The following PDE5A variants were observed in gnomAD, a reference collection of about 807,000 sequenced individuals.
PDE5A encodes the protein phosphodiesterase 5A, also known as cGMP-specific 3',5'-cyclic phosphodiesterase.
Under a neutral mutation model 110.2 loss-of-function variants are expected in PDE5A, and 67 were observed. That is an observed-to-expected ratio of 0.61 (90% CI 0.50 to 0.75). The LOEUF (loss-of-function observed/expected upper bound fraction) is 0.75, where lower values mean the gene tolerates loss of function less well. Among genes scored for constraint, PDE5A ranks in the 30% least tolerant of loss-of-function variants. PDE5A has a pLI of 0.00. For missense variants in PDE5A, 862 were observed against 1,045.1 expected (o/e 0.82, Z 2.42); for synonymous variants, 328 against 351.2 (o/e 0.93, Z 0.74).
intron 15 of PDE5A, among the ~76,000 whole-genome samples, chr4:119,509,524 G>A (rs1732447127): frequency 6.6e-6 from 1 of 151,932 alleles, no homozygotes; most frequent in Non-Finnish European, 1.5e-5. Flanking sequence ...GTATATGCAC[G>A]AGCCAAAGGG....
chr4:119,621,249 T>C lies in PDE5A; in HGVS notation c.152+7271A>G, dbSNP rs1172712609. Among the ~76,000 whole-genome samples the C allele has an allele frequency of 3.3e-5, 5 of 152,226 alleles. No individual in the cohort carries two copies. The East Asian group carries it at 9.6e-4, about 29-fold the overall frequency. The stretch of plus-strand genomic sequence containing the variant: ...TGGGTCTGCCCACATCACTTTCTTT[T>C]GGGAATGTACCCTCCCCAATGATAT... On this transcript the variant is annotated intron_variant, in intron 1 of 20. Transcript: ENST00000354960.
In PDE5A at chr4:119,498,349, C is replaced by G. The variant is rs192864860; in HGVS notation, c.*252G>C. On this transcript the variant is annotated 3_prime_UTR_variant, in exon 21 of 21. Coordinates refer to ENST00000354960, the MANE Select transcript of PDE5A (RefSeq NM_001083.4). ...AGTACACGAAATATCACAAACAATG[C>G]TTTTATCAATGTGCTAACAGTGGAT... 3.5e-4 allele frequency: 140 copies of G among 399,726 alleles called. 2 individuals carry two copies. Among genetic ancestry groups the G allele is most frequent in the Non-Finnish European group, 5.9e-5 (13 of 221,068 alleles). 24.8% of individuals were successfully genotyped at this position (399,726 alleles called of 1,614,324 possible).
At chr4:119,517,371 T>G (rs1454391758) in intron 14 of PDE5A, among the ~76,000 whole-genome samples, 1 of 151,972 alleles carries the variant, frequency 6.6e-6, no homozygotes, top group Non-Finnish European at 1.5e-5. Flanking sequence ...AAGAAAATTC[T>G]ACTTTAAGTA....
rs1727890845 is a variant in PDE5A at position 119,565,371 on chromosome 4, G to A, written c.943C>T (p.His315Tyr). ...AYLAFCGIVL[H>Y]NAQLYETSLL... ...GAAGTCTCATAGAGCTGAGCATTAT[G>A]AAGAACAATACCACAAAATGCCAAA... The change falls in exon 5 of 21, where the codon CAT becomes TAT. Residue 315 changes from histidine to tyrosine, a missense_variant. Transcript: ENST00000354960. The A allele has an allele frequency of 6.2e-7, 1 of 1,612,400 alleles. No individual in the cohort carries two copies. The highest frequency in any genetic ancestry group is 8.5e-7 in the Non-Finnish European group (1 of 1,178,932).
At position 119,497,327 on chromosome 4, in the gene PDE5A, T is replaced by G. The variant is rs1725111934; in HGVS notation, c.*1274A>C. On this transcript the variant is annotated 3_prime_UTR_variant, in exon 21 of 21. Transcript: ENST00000354960. ...ATCTACTTCTCCAATATTGAGTAAA[T>G]GTGTCTTTAGGGGCACACATGTAGA... 6.6e-6 allele frequency: 1 copy of G among 152,142 alleles called. No individual in the cohort carries two copies. The highest frequency in any genetic ancestry group is 1.5e-5 in the Non-Finnish European group (1 of 68,002). 9.4% of individuals were successfully genotyped at this position (152,142 alleles called of 1,614,324 possible).
chr4:119,519,296 A>T lies in PDE5A; in HGVS notation c.1906-157T>A, dbSNP rs191113986. 3.9e-3 allele frequency: 2,193 copies of T among 559,106 alleles called. 39 individuals are homozygous for T. Among genetic ancestry groups the T allele is most frequent in the East Asian group, 1.3e-3 (45 of 34,538 alleles). The allele number at this position is 559,106 out of a possible 1,614,324, so 34.6% of individuals were successfully genotyped here. ...GACTAACCCTAGAATCCTATTCTTC[A>T]GGGAATTAGTTGTCCTTTGTCATTC... On this transcript the variant is annotated intron_variant, in intron 13 of 20. Coordinates refer to ENST00000354960, the MANE Select transcript of PDE5A (RefSeq NM_001083.4).
intron 3 of PDE5A, among the ~76,000 whole-genome samples, chr4:119,581,331 A>G: frequency 6.6e-6 from 1 of 152,218 alleles, no homozygotes; most frequent in East Asian, 1.9e-4. Flanking sequence ...AAGTGTCTGG[A>G]TCACTGCTGT....
chr4:119,622,666 G>A (rs1163927839), intron 1 of PDE5A, among the ~76,000 whole-genome samples: 1 of 152,026 alleles, frequency 6.6e-6, no homozygotes, highest in African/African-American at 2.4e-5. Context: ...GAGGTCAGGA[G>A]ATCGAGACCA....
Position 119,507,716 on chromosome 4 carries a change from A to G in PDE5A, c.2089-12T>C. Reference sequence around the variant, plus strand: ...AGAATCTGATTGCCCTTTATAAAAAAAGAAAACCAGTATTAACATCCTGGA... The same window carrying G: ...AGAATCTGATTGCCCTTTATAAAAAGAGAAAACCAGTATTAACATCCTGGA... On this transcript the variant is annotated splice_polypyrimidine_tract_variant and intron_variant, in intron 15 of 20. Coordinates refer to ENST00000354960, the MANE Select transcript of PDE5A (RefSeq NM_001083.4). The G allele has an allele frequency of 6.5e-7, 1 of 1,545,744 alleles. No homozygotes were observed. The highest frequency in any genetic ancestry group is 8.8e-7 in the Non-Finnish European group (1 of 1,138,362).
chr4:119,609,713 T>C (rs1578825244), intron 1 of PDE5A, among the ~76,000 whole-genome samples: 1 of 152,148 alleles, frequency 6.6e-6, no homozygotes, highest in African/African-American at 2.4e-5. Flanking sequence ...CCATTGTAAA[T>C]ATGGTGACTA....
intron 11 of PDE5A, among the ~76,000 whole-genome samples, chr4:119,537,103 T>C (rs778264747): frequency 2.6e-5 from 4 of 152,138 alleles, no homozygotes; most frequent in Non-Finnish European, 4.4e-5. Flanking sequence ...CTGTCTTGCA[T>C]TGTTATTCTC....
At chr4:119,577,996 A>G (rs1244946201) in intron 3 of PDE5A, among the ~76,000 whole-genome samples, 1 of 152,354 alleles carries the variant, frequency 6.6e-6, no homozygotes, top group East Asian at 1.9e-4. Flanking sequence ...AAGTCTCAGG[A>G]CACAAAATCG....
intron 2 of PDE5A, among the ~76,000 whole-genome samples, chr4:119,602,905 A>G (rs1729393399): frequency 6.6e-6 from 1 of 152,240 alleles, no homozygotes; most frequent in Non-Finnish European, 1.5e-5. Context: ...ATCATGGTTC[A>G]CATGGAGTGT....
chr4:119,562,725 T>C (rs1361112587), intron 6 of PDE5A, 108 bp downstream of exon 6: 1 of 817,624 alleles, frequency 1.2e-6, no homozygotes, highest in Non-Finnish European at 1.9e-6. Flanking sequence ...TCATACACAT[T>C]TGGGTTTGAG....
chr4:119,552,446 T>G, intron 9 of PDE5A, 104 bp downstream of exon 9: 1 of 439,884 alleles, frequency 2.3e-6, no homozygotes, highest in Non-Finnish European at 4.0e-6. Context: ...CCAAATTTTA[T>G]CTTTTTTAAA....
chr4:119,556,480 C>T (rs1418092948), intron 7 of PDE5A, among the ~76,000 whole-genome samples: 1 of 152,220 alleles, frequency 6.6e-6, no homozygotes, highest in Non-Finnish European at 1.5e-5. Flanking sequence ...TGGAGCACAG[C>T]TACAGCACCG....
At chr4:119,605,833 A>G (rs1729509224) in intron 2 of PDE5A, among the ~76,000 whole-genome samples, 1 of 152,228 alleles carries the variant, frequency 6.6e-6, no homozygotes, top group Non-Finnish European at 1.5e-5. Context: ...ATAAGGCACC[A>G]GGAACACAAT....
rs1725526681 is a variant in PDE5A, at chr4:119,505,731, T to C, written c.2267+124A>G. ...CTTTGTACAACCCTCTGGAGAAATC[T>C]GACCGCTTTTAAGATCATCATATTG... On this transcript the variant is annotated intron_variant, in intron 17 of 20. Coordinates refer to ENST00000354960, the MANE Select transcript of PDE5A (RefSeq NM_001083.4). 4 of 615,890 alleles carry C rather than the reference T, an allele frequency of 6.5e-6. 1 individual carries two copies. In the East Asian group the frequency reaches 1.3e-4, roughly 20 times the overall value. The allele number at this position is 615,890 out of a possible 1,614,324, so 38.2% of individuals were successfully genotyped here. A position where few individuals can be genotyped will look rare whatever the true frequency, so the allele number is the denominator to read the frequency against.
chr4:119,604,691 A>T (rs1018934156), intron 2 of PDE5A, among the ~76,000 whole-genome samples: 2 of 152,132 alleles, frequency 1.3e-5, no homozygotes, highest in African/African-American at 4.8e-5. Context: ...TCACACCCCA[A>T]ATCCCGGCCC....
Sources: allele counts gnomAD v4.1 joint callset (sites outside exome capture counted in the v4.1 genomes callset), GRCh38; gene constraint gnomAD v4.1.1; transcripts MANE v1.5; gene names NCBI Gene and HGNC (gene_info 2026-07-23, HGNC 2026-07-21).